ADGRL2: variants seen among roughly 807,000 people sequenced by gnomAD.
ADGRL2 encodes the protein adhesion G protein-coupled receptor L2, also known as calcium-independent alpha-latrotoxin receptor 2.
ADGRL2 carries 44 observed loss-of-function variants against 157.4 expected under a neutral mutation model. The ratio of observed to expected loss-of-function variants is 0.28; its 90% CI spans 0.22 to 0.36. ADGRL2 has a LOEUF of 0.36. Among genes scored for constraint, ADGRL2 ranks in the 10% least tolerant of loss-of-function variants. ADGRL2 has a pLI of 1.00. For missense variants in ADGRL2, 1,510 were observed against 1,768.9 expected (o/e 0.85, Z 2.63); for synonymous variants, 585 against 624.7 (o/e 0.94, Z 0.95).
chr1:81,371,335 A>G (rs2076157033), intron 1 of ADGRL2, among the ~76,000 whole-genome samples: 2 of 152,202 alleles, frequency 1.3e-5, no homozygotes, highest in African/African-American at 4.8e-5. Context: ...AGGCAGAGAA[A>G]CAAATGGGAG....
rs779152084 is a variant in ADGRL2 at position 81,663,180 on chromosome 1, C to T, written c.-143+82200C>T. On this transcript the variant is annotated intron_variant, in intron 3 of 24. Transcript: ENST00000370721. Reference sequence around the variant, plus strand: ...AAGAGAAATGCAATTGTCTTTAACCCTCTCATCAAATAACCAGTAAAGATC... The same window carrying T: ...AAGAGAAATGCAATTGTCTTTAACCTTCTCATCAAATAACCAGTAAAGATC... 3.2e-4 allele frequency among the ~76,000 whole-genome samples: 49 copies of T among 151,908 alleles called. 1 individual carries two copies. Among genetic ancestry groups the T allele is most frequent in the East Asian group, 3.1e-3 (16 of 5,128 alleles).
At chr1:81,648,820 T>A (rs2082359782) in intron 3 of ADGRL2, among the ~76,000 whole-genome samples, 1 of 152,142 alleles carries the variant, frequency 6.6e-6, no homozygotes, top group Admixed American at 6.5e-5. Context: ...AGGTATAATT[T>A]AAATATGAAT....
intron 2 of ADGRL2, among the ~76,000 whole-genome samples, chr1:81,873,118 C>G (rs1314661600): frequency 6.6e-6 from 1 of 152,060 alleles, no homozygotes; most frequent in African/African-American, 2.4e-5. Flanking sequence ...AGCCACCTAC[C>G]TATTTCCAAG....
At chr1:81,514,721 G>A (rs1027803748) in intron 2 of ADGRL2, 2 of 152,166 alleles carry the variant, frequency 1.3e-5, no homozygotes, top group African/African-American at 4.8e-5. Context: ...AGAACATAAA[G>A]TTGATTTGTC....
chr1:81,387,577 G>A (rs2076459765), intron 1 of ADGRL2, among the ~76,000 whole-genome samples: 1 of 152,066 alleles, frequency 6.6e-6, no homozygotes, highest in Non-Finnish European at 1.5e-5. Context: ...AAGGTCACTT[G>A]GCCTATGTCA....
rs557815921 is a variant in ADGRL2 at position 81,502,775 on chromosome 1, G to A, written c.-248+57686G>A. On this transcript the variant is annotated intron_variant, in intron 2 of 24. Coordinates refer to the ADGRL2 transcript ENST00000370721. ...AACCGCAGGGAGAGCCGGCGGCCCA[G>A]CTACAGCTCCTCCCTCTTTGGCTAC... The A allele has an allele frequency of 5.0e-6, 8 of 1,613,222 alleles. No homozygotes were observed. In the African/African-American group the frequency reaches 9.3e-5, roughly 19 times the overall value.
intron 1 of ADGRL2, among the ~76,000 whole-genome samples, chr1:81,742,808 CAG>C (rs2085115491): frequency 6.6e-6 from 1 of 152,042 alleles, no homozygotes; most frequent in African/African-American, 2.4e-5. Context: ...ATATTTGCCA[CAG>C]AGTCAGTCTT....
chr1:81,905,468 C>G (rs2094566929), intron 2 of ADGRL2, among the ~76,000 whole-genome samples: 1 of 152,158 alleles, frequency 6.6e-6, no homozygotes, highest in Non-Finnish European at 1.5e-5. Context: ...AAAACGGTAA[C>G]ACACTCAACT....
Position 81,990,828 on chromosome 1 carries a change from C to T in ADGRL2, c.4093C>T (p.Leu1365=). The change falls in exon 24 of 24, where the codon CTG becomes TTG. Residue 1365 remains leucine, a synonymous_variant. Coordinates refer to ENST00000686636, the MANE Select transcript of ADGRL2 (RefSeq NM_001366006.2). ...SEGTDSYVSQ[L]TAEAEDHLQS... Reference sequence around the variant, plus strand: ...GGGAACTGACAGCTATGTCTCCCAACTGACAGCAGAGGCTGAAGATCACCT... The same window carrying T: ...GGGAACTGACAGCTATGTCTCCCAATTGACAGCAGAGGCTGAAGATCACCT... 1 of 1,614,146 alleles carries T rather than the reference C, an allele frequency of 6.2e-7. No individual in the cohort carries two copies. Among genetic ancestry groups the T allele is most frequent in the Non-Finnish European group, 8.5e-7 (1 of 1,180,008 alleles).
intron 11 of ADGRL2, 141 bp from the exon 12 acceptor site, chr1:81,965,917 A>T (rs1170980556): frequency 2.3e-6 from 2 of 852,660 alleles, no homozygotes; most frequent in East Asian, 5.1e-5. Context: ...TTAGTCCATG[A>T]TTTTTGTTGA....
At chr1:81,676,609 C>T (rs536357932) in intron 3 of ADGRL2, among the ~76,000 whole-genome samples, 1 of 151,228 alleles carries the variant, frequency 6.6e-6, no homozygotes, top group African/African-American at 2.4e-5. Flanking sequence ...CCCTGATTAA[C>T]AAGGTTTTAA....
intron 1 of ADGRL2, among the ~76,000 whole-genome samples, chr1:81,317,880 TTG>T (rs1459035937): frequency 6.6e-6 from 1 of 152,168 alleles, no homozygotes; most frequent in Non-Finnish European, 1.5e-5. Context: ...CATGGCATGA[TTG>T]TGTGTATATA....
chr1:81,583,765 T>C (rs1287277584), intron 3 of ADGRL2, among the ~76,000 whole-genome samples: 1 of 152,202 alleles, frequency 6.6e-6, no homozygotes, highest in Non-Finnish European at 1.5e-5. Flanking sequence ...CTTATAACTC[T>C]TACCCTATTG....
chr1:81,625,461 A>G (rs10874258), intron 3 of ADGRL2, among the ~76,000 whole-genome samples: 35,915 of 152,002 alleles, frequency 0.24, 5,036 homozygotes, highest in African/African-American at 0.36. Flanking sequence ...CCTCGAGTTA[A>G]TGGATAAAGA....
chr1:81,589,365 C>T (rs138603031), intron 3 of ADGRL2, among the ~76,000 whole-genome samples: 1 of 152,118 alleles, frequency 6.6e-6, no homozygotes, highest in African/African-American at 2.4e-5. Context: ...CTCACATAAC[C>T]CTGGGACAAG....
intron 2 of ADGRL2, among the ~76,000 whole-genome samples, chr1:81,889,996 A>G (rs1163754783): frequency 6.6e-6 from 1 of 152,216 alleles, no homozygotes; most frequent in Non-Finnish European, 1.5e-5. Context: ...CTCTGGCAAT[A>G]AATTACTTCT....
intron 1 of ADGRL2, among the ~76,000 whole-genome samples, chr1:81,391,829 A>G (rs2076564956): frequency 6.6e-6 from 1 of 152,158 alleles, no homozygotes; most frequent in Non-Finnish European, 1.5e-5. Context: ...CAAGTATGTC[A>G]CTCTGGTCAA....
At chr1:81,901,918 C>T (rs1404800712) in intron 2 of ADGRL2, among the ~76,000 whole-genome samples, 1 of 152,064 alleles carries the variant, frequency 6.6e-6, no homozygotes, top group Non-Finnish European at 1.5e-5. Context: ...AGTTGTTTTG[C>T]CAAGATTAAG....
chr1:81,629,801 G>A (rs12758507), intron 3 of ADGRL2, among the ~76,000 whole-genome samples: 2 of 151,660 alleles, frequency 1.3e-5, no homozygotes, highest in Non-Finnish European at 2.9e-5. Context: ...ATGTTGCTCA[G>A]GCTGGTCTTG....
Sources: gnomAD v4.1 joint callset for allele counts (sites outside exome capture counted in the v4.1 genomes callset) on GRCh38, gnomAD v4.1.1 for gene constraint, MANE v1.5 for transcripts, NCBI Gene and HGNC (gene_info 2026-07-23, HGNC 2026-07-21) for gene names.